The following NAV2 variants were observed in gnomAD, a reference collection of about 807,000 sequenced individuals.
NAV2 encodes neuron navigator 2.
A neutral mutation model predicts 223.2 loss-of-function variants in NAV2; 54 were observed. The ratio of observed to expected loss-of-function variants is 0.24; its 90% CI spans 0.19 to 0.30. NAV2 has a LOEUF of 0.30. NAV2 is among the 10% of genes least tolerant of loss of function. The probability of loss-of-function intolerance (pLI) is 1.00; values close to 1 mark genes in which losing one functional copy is unlikely to be tolerated. For missense variants in NAV2, 2,806 were observed against 3,147.5 expected, an observed-to-expected ratio of 0.89 and a Z score of 2.60; for synonymous variants, 1,279 against 1,239.3, an observed-to-expected ratio of 1.03 and a Z score of -0.67.
chr11:19,922,266 T>G (rs2044346244), intron 6 of NAV2, among the ~76,000 whole-genome samples: 1 of 152,112 alleles, frequency 6.6e-6, no homozygotes, highest in Non-Finnish European at 1.5e-5. Context: ...TTTTTTTCTT[T>G]GCCTCCCAGT....
intron 1 of NAV2, among the ~76,000 whole-genome samples, chr11:19,492,865 A>C (rs946093663): frequency 1.3e-5 from 2 of 152,082 alleles, no homozygotes; most frequent in African/African-American, 4.8e-5. Context: ...GAGGGAGGAG[A>C]GGTTAGATGT....
At chr11:19,393,233 G>A (rs941540885) in intron 1 of NAV2, among the ~76,000 whole-genome samples, 2 of 152,184 alleles carry the variant, frequency 1.3e-5, no homozygotes, top group African/African-American at 4.8e-5. Context: ...TCCTGCCATG[G>A]GAATGACACA....
chr11:19,784,104 A>T (rs1366336967), intron 1 of NAV2, among the ~76,000 whole-genome samples: 1 of 152,096 alleles, frequency 6.6e-6, no homozygotes, highest in Non-Finnish European at 1.5e-5. Flanking sequence ...GAGGGGCTTT[A>T]TTGGCCAGTC....
At chr11:19,897,431 A>G (rs947247800) in intron 6 of NAV2, among the ~76,000 whole-genome samples, 3 of 152,200 alleles carry the variant, frequency 2.0e-5, no homozygotes, top group Non-Finnish European at 2.9e-5. Context: ...TTCAAAACCC[A>G]TAGAGCACTT....
At chr11:19,485,219 G>C (rs910370892) in intron 1 of NAV2, among the ~76,000 whole-genome samples, 1 of 152,094 alleles carries the variant, frequency 6.6e-6, no homozygotes, top group African/African-American at 2.4e-5. Flanking sequence ...TTCCCTGCTT[G>C]GTGATGTCTC....
In NAV2 at chr11:19,999,161, G is replaced by A. The variant is rs80206453; in HGVS notation, c.2768+14914G>A. 7.1e-3 allele frequency among the ~76,000 whole-genome samples: 1,077 copies of A among 152,352 alleles called. 12 individuals carry two copies. Among genetic ancestry groups the A allele is most frequent in the African/African-American group, 0.024 (1,011 of 41,580 alleles). On this transcript the variant is annotated intron_variant, in intron 11 of 37. Coordinates refer to ENST00000349880, the MANE Select transcript of NAV2 (RefSeq NM_145117.5). ...CAGGGCTGTGACCCATTAGAAAGGG[G>A]CATCAGTCGGCTGTAAGCCACTCAT...
rs1425270815 is a variant in NAV2 at position 20,103,302 on chromosome 11, G to A, written c.6465G>A (p.Glu2155=). 4.3e-6 allele frequency: 7 copies of A among 1,614,216 alleles called. No homozygotes were observed. The highest frequency in any genetic ancestry group is 3.3e-4 in the Middle Eastern group (2 of 6,062). Residue 2155 remains glutamate (E), a synonymous_variant, in exon 33 of 38, where the codon GAG becomes GAA. Coordinates refer to ENST00000349880, the MANE Select transcript of NAV2 (RefSeq NM_145117.5). The stretch of plus-strand genomic sequence containing the variant: ...ACCTTGCTGACCAGTGCAACAGTGA[G>A]AACAATGCTGTGGACATGCCCCTCG... ...LSNLADQCNS[E]NNAVDMPLVI...
intron 1 of NAV2, among the ~76,000 whole-genome samples, chr11:19,777,067 G>T (rs2056291039): frequency 6.6e-6 from 1 of 151,074 alleles, no homozygotes; most frequent in South Asian, 2.1e-4. Flanking sequence ...GGGCCAGCTA[G>T]GGGGCGGGGA....
At chr11:19,760,715 A>G (rs1011368340) in intron 1 of NAV2, among the ~76,000 whole-genome samples, 1 of 152,220 alleles carries the variant, frequency 6.6e-6, no homozygotes, top group Non-Finnish European at 1.5e-5. Context: ...GAATTTAGCT[A>G]GGAGAACCAA....
intron 1 of NAV2, among the ~76,000 whole-genome samples, chr11:19,557,915 T>C (rs1198876018): frequency 6.6e-6 from 1 of 152,192 alleles, no homozygotes; most frequent in East Asian, 1.9e-4. Context: ...GTGAATATCA[T>C]GTGAGTCCAT....
chr11:19,424,725 A>G (rs555632821), intron 1 of NAV2, among the ~76,000 whole-genome samples: 140 of 150,670 alleles, frequency 9.3e-4, no homozygotes, highest in African/African-American at 3.3e-3. Flanking sequence ...TTTTTTTTGT[A>G]TTTTTAGCAG....
intron 1 of NAV2, among the ~76,000 whole-genome samples, chr11:19,747,014 G>T (rs1272370338): frequency 1.6e-5 from 2 of 124,576 alleles, no homozygotes; most frequent in Admixed American, 1.9e-4. Context: ...TTAGCATTAG[G>T]TATATCTCCT....
intron 1 of NAV2, among the ~76,000 whole-genome samples, chr11:19,793,217 A>G (rs1287848398): frequency 1.4e-5 from 2 of 144,632 alleles, no homozygotes; most frequent in African/African-American, 5.2e-5. Flanking sequence ...AAAAAAAAAA[A>G]AAAAAAAAAA....
intron 1 of NAV2, among the ~76,000 whole-genome samples, chr11:19,435,079 A>G (rs1339642187): frequency 1.3e-5 from 2 of 152,198 alleles, no homozygotes. Context: ...TCAAATATAT[A>G]TCATTTCTTT....
intron 3 of NAV2, among the ~76,000 whole-genome samples, chr11:19,845,525 A>T (rs1027501644): frequency 6.6e-6 from 1 of 152,206 alleles, no homozygotes; most frequent in African/African-American, 2.4e-5. Flanking sequence ...GGGCCCTTTA[A>T]TAATAGAGAC....
chr11:19,838,177 A>G (rs1430112833), intron 2 of NAV2, among the ~76,000 whole-genome samples: 3 of 152,226 alleles, frequency 2.0e-5, no homozygotes, highest in Non-Finnish European at 4.4e-5. Context: ...ATGAAGGCCT[A>G]TCAAAATCTG....
intron 11 of NAV2, among the ~76,000 whole-genome samples, chr11:19,991,643 T>C (rs2051345447): frequency 6.6e-6 from 1 of 152,124 alleles, no homozygotes; most frequent in Admixed American, 6.6e-5. Flanking sequence ...GTGCAAAATA[T>C]GATGTGCAAA....
upstream of NAV2, among the ~76,000 whole-genome samples, chr11:19,345,760 G>C (rs1852972730): frequency 6.6e-6 from 1 of 152,244 alleles, no homozygotes; most frequent in South Asian, 2.1e-4. This position sits in a 1 kb window ranked among gnomAD's most constrained non-coding sequence, Gnocchi z 5.2. Flanking sequence ...CACTGCGCAC[G>C]CCCCTATCCG....
intron 3 of NAV2, 129 bp downstream of exon 3, chr11:19,843,052 C>A: frequency 1.4e-6 from 1 of 731,646 alleles, no homozygotes; most frequent in Non-Finnish European, 2.3e-6. Flanking sequence ...AAACTCACAG[C>A]TATTTCCAAG....
Sources: gnomAD v4.1 joint callset for allele counts (sites outside exome capture counted in the v4.1 genomes callset) on GRCh38, gnomAD v4.1.1 for gene constraint, Gnocchi (gnomAD v3.1) non-coding constraint, MANE v1.5 for transcripts, NCBI Gene and HGNC (gene_info 2026-07-23, HGNC 2026-07-21) for gene names.